Variants in TNFRSF11A observed in about 807,000 individuals in gnomAD.
TNFRSF11A encodes the protein TNF receptor superfamily member 11a.
TNFRSF11A carries 32 observed loss-of-function variants against 55.7 expected under a neutral mutation model. The ratio of observed to expected loss-of-function variants is 0.57; its 90% CI spans 0.43 to 0.77. The LOEUF (loss-of-function observed/expected upper bound fraction) is 0.77, where lower values mean the gene tolerates loss of function less well. Among genes scored for constraint, TNFRSF11A ranks in the 30% least tolerant of loss-of-function variants. The pLI is 0.00. For missense variants in TNFRSF11A, 753 were observed against 809.8 expected (o/e 0.93, Z 0.85); for synonymous variants, 311 against 331.0 (o/e 0.94, Z 0.65).
At chr18:62,350,058 G>A (rs894459070) in intron 3 of TNFRSF11A, 121 bp downstream of exon 3, 8 of 1,366,466 alleles carry the variant, frequency 5.9e-6, no homozygotes, top group Non-Finnish European at 8.2e-6. Context: ...AGGAAGTTGT[G>A]ACTACACATC....
Position 62,325,310 on chromosome 18 carries a change from A to G in TNFRSF11A, c.-43A>G. On this transcript the variant is annotated 5_prime_UTR_variant, in exon 1 of 10. Coordinates refer to ENST00000586569, the MANE Select transcript of TNFRSF11A (RefSeq NM_003839.4). This position sits in a 1 kb window ranked among gnomAD's most constrained non-coding sequence, Gnocchi z 4.7. Reference sequence around the variant, plus strand: ...GCGGCAGCCGCGCCCGCTGGGCCACAGAGGCCGCTGAGGCCGCGGCGCCCG... The same window carrying G: ...GCGGCAGCCGCGCCCGCTGGGCCACGGAGGCCGCTGAGGCCGCGGCGCCCG... 1 of 955,950 alleles carries G rather than the reference A, an allele frequency of 1.0e-6. No homozygotes were observed. The allele number at this position is 955,950 out of a possible 1,614,324, so 59.2% of individuals were successfully genotyped here.
rs6567271 is a variant in TNFRSF11A, at chr18:62,359,916, T to A, written c.522-39T>A. ...TTTGTTCACTTTTTAAAAAACAAGC[T>A]TATAAAACCAAAGCACTGAACCACC... is the stretch of plus-strand genomic sequence containing the variant. On this transcript the variant is annotated intron_variant, in intron 5 of 9. Transcript: ENST00000586569. The A allele has an allele frequency of 0.52, 817,295 of 1,573,376 alleles. 215,846 individuals are homozygous for A. The highest frequency in any genetic ancestry group is 0.69 in the East Asian group (30,594 of 44,510).
At chr18:62,329,835 G>T (rs1298284472) in intron 1 of TNFRSF11A, among the ~76,000 whole-genome samples, 1 of 152,164 alleles carries the variant, frequency 6.6e-6, no homozygotes, top group Non-Finnish European at 1.5e-5. Flanking sequence ...TCAGAGGGCT[G>T]ACTGGTGCTG....
chr18:62,341,085 C>T (rs1256417064), intron 1 of TNFRSF11A, among the ~76,000 whole-genome samples: 2 of 152,214 alleles, frequency 1.3e-5, no homozygotes, highest in East Asian at 1.9e-4. Flanking sequence ...GATCATAATT[C>T]GTTTATGTCC....
At chr18:62,345,377 T>A (rs2046368140) in intron 1 of TNFRSF11A, among the ~76,000 whole-genome samples, 1 of 152,250 alleles carries the variant, frequency 6.6e-6, no homozygotes, top group African/African-American at 2.4e-5. Flanking sequence ...TGTACTTATG[T>A]TGCATTTTAA....
intron 9 of TNFRSF11A, among the ~76,000 whole-genome samples, chr18:62,374,683 T>G (rs575171902): frequency 1.3e-5 from 2 of 152,338 alleles, no homozygotes; most frequent in African/African-American, 4.8e-5. Context: ...ATTGTGTTCT[T>G]AGAACTAAGT....
intron 1 of TNFRSF11A, among the ~76,000 whole-genome samples, chr18:62,339,858 G>A (rs545291228): frequency 2.6e-5 from 4 of 152,276 alleles, no homozygotes; most frequent in East Asian, 1.9e-4. Flanking sequence ...GCCTCTTTGC[G>A]GGGAACAGTA....
chr18:62,348,795 A>T (rs528216830), intron 2 of TNFRSF11A, among the ~76,000 whole-genome samples: 1 of 152,210 alleles, frequency 6.6e-6, no homozygotes, highest in Non-Finnish European at 1.5e-5. Context: ...GCCACAGTCC[A>T]CGGGGCCCGC....
In TNFRSF11A at chr18:62,361,733, G is replaced by T. The variant is rs749743154; in HGVS notation, c.670G>T (p.Ala224Ser). ...AATTCTGCTTCTCTTCGCGTCTGTG[G>T]CCCTGGTGGCTGCCATCATCTTTGG... ...LIILLLFASV[A>S]LVAAIIFGVC... The change falls in exon 7 of 10, where the codon GCC becomes TCC. Residue 224 changes from alanine (A) to serine (S), a missense_variant. Around this residue, in one of 3 missense-constraint regions of TNFRSF11A, gnomAD observed 567 missense variants for 596.7 expected, o/e 0.95. Coordinates refer to ENST00000586569, the MANE Select transcript of TNFRSF11A (RefSeq NM_003839.4). The T allele has an allele frequency of 1.2e-6, 2 of 1,614,092 alleles. No homozygotes were observed. The highest frequency in any genetic ancestry group is 1.7e-6 in the Non-Finnish European group (2 of 1,180,034).
chr18:62,379,875 A>G (rs1484188210), intron 9 of TNFRSF11A, among the ~76,000 whole-genome samples: 1 of 152,232 alleles, frequency 6.6e-6, no homozygotes, highest in Admixed American at 6.5e-5. Flanking sequence ...GTTTTACTGA[A>G]TATTTAGTAG....
chr18:62,361,533 A>G, intron 6 of TNFRSF11A, 147 bp from the exon 7 acceptor site: 1 of 793,682 alleles, frequency 1.3e-6, no homozygotes, highest in East Asian at 2.5e-5. Flanking sequence ...GCTCGCGGAC[A>G]AAGGGCAGCC....
intron 3 of TNFRSF11A, among the ~76,000 whole-genome samples, chr18:62,350,278 GTTTA>G (rs977631595): frequency 2.7e-4 from 41 of 152,112 alleles, no homozygotes; most frequent in Admixed American, 1.6e-3. Context: ...TATTTTATTT[GTTTA>G]TTTATTTATT....
chr18:62,348,101 T>A (rs912899631), intron 1 of TNFRSF11A, 67 bp from the exon 2 acceptor site: 2 of 1,270,038 alleles, frequency 1.6e-6, no homozygotes, highest in Non-Finnish European at 2.3e-6. Context: ...ATTCCCTTTT[T>A]GTTTTACCTA....
At chr18:62,373,526 G>A (rs2145368929) in intron 9 of TNFRSF11A, among the ~76,000 whole-genome samples, 2 of 152,260 alleles carry the variant, frequency 1.3e-5, no homozygotes, top group South Asian at 4.1e-4. Flanking sequence ...TATGTTAAGT[G>A]AATGGATGCT....
At chr18:62,371,394 C>A (rs542985143) in intron 9 of TNFRSF11A, among the ~76,000 whole-genome samples, 17 of 152,292 alleles carry the variant, frequency 1.1e-4, no homozygotes, top group Non-Finnish European at 2.4e-4. Flanking sequence ...TCTTTTAATG[C>A]CATAAAACAA....
At chr18:62,368,256 C>T (rs1023497539) in intron 8 of TNFRSF11A, among the ~76,000 whole-genome samples, 1 of 152,196 alleles carries the variant, frequency 6.6e-6, no homozygotes, top group Non-Finnish European at 1.5e-5. Context: ...CTATTATTCT[C>T]AGTATATTTC....
At chr18:62,372,334 T>C (rs1910610953) in intron 9 of TNFRSF11A, among the ~76,000 whole-genome samples, 1 of 152,230 alleles carries the variant, frequency 6.6e-6, no homozygotes, top group South Asian at 2.1e-4. Flanking sequence ...GCATTCTCAC[T>C]GTGCCCCTAG....
In TNFRSF11A at chr18:62,325,356, GC is replaced by G; in HGVS notation, c.8del (p.Pro3ArgfsTer180). 1 of 1,023,906 alleles carries G rather than the reference GC, an allele frequency of 9.8e-7. No individual in the cohort carries two copies. The highest frequency in any genetic ancestry group is 1.2e-6 in the Non-Finnish European group (1 of 858,936). The allele number at this position is 1,023,906 out of a possible 1,614,324, so 63.4% of individuals were successfully genotyped here. On this transcript the variant is annotated frameshift_variant, in exon 1 of 10. Coordinates refer to ENST00000586569, the MANE Select transcript of TNFRSF11A (RefSeq NM_003839.4). LOFTEE classifies it high-confidence loss of function. This position sits in a 1 kb window ranked among gnomAD's most constrained non-coding sequence, Gnocchi z 4.7. Reference protein sequence around the residue: MAPRARRRRPLF... With the variant: MXPRARRRRPLF... ...GCCCGCCAGCCTGTCCCGCGCCATGGCCCCGCGCGCCCGGCGGCGCCGCCCG... is the reference window on the plus strand; with the variant it reads ...GCCCGCCAGCCTGTCCCGCGCCATGGCCCGCGCGCCCGGCGGCGCCGCCCG...
intron 1 of TNFRSF11A, among the ~76,000 whole-genome samples, chr18:62,345,481 C>T (rs1338776411): frequency 6.6e-6 from 1 of 152,100 alleles, no homozygotes; most frequent in East Asian, 1.9e-4. Flanking sequence ...TTAAGCTGGA[C>T]CCTAAATGAG....
Sources: gnomAD v4.1 joint callset for allele counts (sites outside exome capture counted in the v4.1 genomes callset) on GRCh38, gnomAD v4.1.1 for gene constraint, gnomAD v4.1.1 regional missense constraint, Gnocchi (gnomAD v3.1) non-coding constraint, MANE v1.5 for transcripts, NCBI Gene and HGNC (gene_info 2026-07-23, HGNC 2026-07-21) for gene names.